The following PIEZO2 variants were observed in gnomAD, a reference collection of about 807,000 sequenced individuals.
PIEZO2 encodes piezo type mechanosensitive ion channel component 2.
Under a neutral mutation model 337.3 loss-of-function variants are expected in PIEZO2, and 172 were observed. That is an observed-to-expected ratio of 0.51 (90% CI 0.45 to 0.58). The LOEUF is 0.58. Among genes scored for constraint, PIEZO2 ranks in the 20% least tolerant of loss-of-function variants. The probability of loss-of-function intolerance (pLI) is 0.00; values close to 1 mark genes in which losing one functional copy is unlikely to be tolerated. For synonymous variants in PIEZO2, 1,251 were observed against 1,228.5 expected, an observed-to-expected ratio of 1.02 and a Z score of -0.38; for missense variants, 3,028 against 3,391.3, an observed-to-expected ratio of 0.89 and a Z score of 2.66.
At chr18:10,725,086 C>T (rs2036477608) in intron 36 of PIEZO2, 6 of 1,507,384 alleles carry the variant, frequency 4.0e-6, no homozygotes, top group Non-Finnish European at 5.5e-6. Flanking sequence ...CAAGTTCTTT[C>T]AGTCGCATTA....
At chr18:10,992,268 C>T (rs1451678807) in intron 2 of PIEZO2, among the ~76,000 whole-genome samples, 1 of 152,138 alleles carries the variant, frequency 6.6e-6, no homozygotes, top group African/African-American at 2.4e-5. Flanking sequence ...GCTTTTGTTG[C>T]CAATGCTTTT....
At position 10,863,237 on chromosome 18, in the gene PIEZO2, G is replaced by C. The variant is rs2041921649; in HGVS notation, c.493-6026C>G. Among the ~76,000 whole-genome samples, 1 of 152,184 alleles carries C rather than the reference G, an allele frequency of 6.6e-6. No individual in the cohort carries two copies. Among genetic ancestry groups the C allele is most frequent in the South Asian group, 2.1e-4 (1 of 4,824 alleles). ...AAGGTTGTGACTCACTGCAGAAGAT[G>C]AATTTCATCCCCAGGGTTCCCTTGT... On this transcript the variant is annotated intron_variant, in intron 5 of 55. Coordinates refer to ENST00000674853, the MANE Select transcript of PIEZO2 (RefSeq NM_001378183.1). This position sits in a 1 kb window ranked among gnomAD's most constrained non-coding sequence, Gnocchi z 4.3.
At chr18:11,004,124 G>A (rs1420570119) in intron 2 of PIEZO2, among the ~76,000 whole-genome samples, 2 of 152,182 alleles carry the variant, frequency 1.3e-5, no homozygotes, top group Non-Finnish European at 2.9e-5. Flanking sequence ...CCCATGCCCT[G>A]TTCGTTCCCA....
chr18:10,882,834 C>CTTTTTTTTTTTTTTTTTTTTTTTTTTTT lies in PIEZO2; in HGVS notation c.330-11420_330-11419insAAAAAAAAAAAAAAAAAAAAAAAAAAAA, dbSNP rs745618117. Among the ~76,000 whole-genome samples, 2 of 109,984 alleles carry CTTTTTTTTTTTTTTTTTTTTTTTTTTTT rather than the reference C, an allele frequency of 1.8e-5. 1 individual carries two copies. Among genetic ancestry groups the CTTTTTTTTTTTTTTTTTTTTTTTTTTTT allele is most frequent in the Non-Finnish European group, 3.7e-5 (2 of 54,602 alleles). 72.2% of individuals were successfully genotyped at this position (109,984 alleles called of 152,430 possible). Reference sequence around the variant, plus strand: ...CCATTGTGCATATGTACCACATTTTCTTTTTTTCTTTTTTTTTTTTTTTGA... The same window carrying CTTTTTTTTTTTTTTTTTTTTTTTTTTTT: ...CCATTGTGCATATGTACCACATTTTCTTTTTTTTTTTTTTTTTTTTTTTTTTTTTTTTTTTCTTTTTTTTTTTTTTTGA... On this transcript the variant is annotated intron_variant, in intron 4 of 55. Coordinates refer to ENST00000674853, the MANE Select transcript of PIEZO2 (RefSeq NM_001378183.1).
chr18:10,885,111 T>G (rs1003192873), intron 4 of PIEZO2, among the ~76,000 whole-genome samples: 1 of 151,946 alleles, frequency 6.6e-6, no homozygotes, highest in Admixed American at 6.6e-5. Context: ...ACACCACACG[T>G]GTGTGGCAAG....
Position 11,125,602 on chromosome 18 carries a change from C to T in PIEZO2, c.64+22923G>A, listed in dbSNP as rs564510643. On this transcript the variant is annotated intron_variant, in intron 1 of 55. Transcript: ENST00000674853. The surrounding 1 kb of genome is among the most constrained non-coding windows in gnomAD (Gnocchi z 4.4). ...ATAAAGATTACCCTGCAGAGAAGAGCATCCTGGTTTTATGAAGTCCTGTTG... is the reference window on the plus strand; with the variant it reads ...ATAAAGATTACCCTGCAGAGAAGAGTATCCTGGTTTTATGAAGTCCTGTTG... 2.0e-5 allele frequency among the ~76,000 whole-genome samples: 3 copies of T among 152,278 alleles called. No individual in the cohort carries two copies. The East Asian group carries it at 5.8e-4, about 29-fold the overall frequency.
chr18:10,743,547 G>C (rs2037307779), intron 31 of PIEZO2, among the ~76,000 whole-genome samples: 1 of 152,128 alleles, frequency 6.6e-6, no homozygotes, highest in Admixed American at 6.5e-5. Context: ...CCTTAGATGG[G>C]ATATAAAGAA....
At position 11,009,134 on chromosome 18, in the gene PIEZO2, G is replaced by A. The variant is rs975818464; in HGVS notation, c.161-29474C>T. Among the ~76,000 whole-genome samples the A allele has an allele frequency of 6.6e-6, 1 of 152,168 alleles. No individual in the cohort carries two copies. The highest frequency in any genetic ancestry group is 2.4e-5 in the African/African-American group (1 of 41,426). On this transcript the variant is annotated intron_variant, in intron 2 of 55. Transcript: ENST00000674853. This position sits in a 1 kb window ranked among gnomAD's most constrained non-coding sequence, Gnocchi z 4.6. ...CCTACCCTCTTGCTTCATACAATTG[G>A]TGATTGTCTCAGGGTAGGAATCCTG...
intron 2 of PIEZO2, among the ~76,000 whole-genome samples, chr18:11,004,264 G>A (rs538289348): frequency 6.6e-6 from 1 of 152,236 alleles, no homozygotes; most frequent in South Asian, 2.1e-4. Context: ...AGGAACAGAA[G>A]AGAGAGGAAT....
chr18:11,087,001 C>T (rs995120094), intron 1 of PIEZO2, among the ~76,000 whole-genome samples: 16 of 152,134 alleles, frequency 1.1e-4, no homozygotes, highest in Admixed American at 3.9e-4. Context: ...GAATCCTAAT[C>T]CTCAAAGTGA....
At chr18:10,983,718 C>A (rs997417416) in intron 2 of PIEZO2, among the ~76,000 whole-genome samples, 1 of 152,100 alleles carries the variant, frequency 6.6e-6, no homozygotes, top group Non-Finnish European at 1.5e-5. Context: ...CCCCAGCACC[C>A]TGTGCCACCC....
At chr18:10,704,310 C>G (rs919992322) in intron 42 of PIEZO2, 84 bp downstream of exon 42, 2 of 1,477,740 alleles carry the variant, frequency 1.4e-6, no homozygotes, top group African/African-American at 2.8e-5. Flanking sequence ...AGGCCCGTCT[C>G]AAGAGAGGGC....
At chr18:10,771,434 T>C (rs1366208911) in intron 20 of PIEZO2, among the ~76,000 whole-genome samples, 9 of 152,382 alleles carry the variant, frequency 5.9e-5, no homozygotes, top group Non-Finnish European at 8.8e-5. Context: ...GCTCACTTTA[T>C]TGACTGAAAG....
Position 10,895,635 on chromosome 18 carries a change from C to T in PIEZO2, c.329+15551G>A, listed in dbSNP as rs2042878333. Among the ~76,000 whole-genome samples, 1 of 152,088 alleles carries T rather than the reference C, an allele frequency of 6.6e-6. No individual in the cohort carries two copies. The highest frequency in any genetic ancestry group is 2.1e-4 in the South Asian group (1 of 4,816). On this transcript the variant is annotated intron_variant, in intron 4 of 55. Coordinates refer to ENST00000674853, the MANE Select transcript of PIEZO2 (RefSeq NM_001378183.1). The surrounding 1 kb of genome is among the most constrained non-coding windows in gnomAD (Gnocchi z 4.8). Reference sequence around the variant, plus strand: ...GTGGGGTTGCCTCACTCAGGATTTGCATTGGAGTGATCCTCAGTTTAACAC... The same window carrying T: ...GTGGGGTTGCCTCACTCAGGATTTGTATTGGAGTGATCCTCAGTTTAACAC...
rs2040324992 is a variant in PIEZO2 at position 10,815,178 on chromosome 18, A to G, written c.918-7904T>C. ...AACATGGGTCTTATTTTTAAAGGTT[A>G]AAAACAATGAAAATTCAAGTGGCAC... On this transcript the variant is annotated intron_variant, in intron 7 of 55. Coordinates refer to ENST00000674853, the MANE Select transcript of PIEZO2 (RefSeq NM_001378183.1). The surrounding 1 kb of genome is among the most constrained non-coding windows in gnomAD (Gnocchi z 4.1). Among the ~76,000 whole-genome samples, 1 of 152,220 alleles carries G rather than the reference A, an allele frequency of 6.6e-6. No homozygotes were observed. Among genetic ancestry groups the G allele is most frequent in the Non-Finnish European group, 1.5e-5 (1 of 68,028 alleles).
intron 36 of PIEZO2, among the ~76,000 whole-genome samples, chr18:10,730,402 T>C (rs9303716): frequency 0.31 from 47,842 of 152,098 alleles, 8,189 homozygotes; most frequent in East Asian, 0.54. Flanking sequence ...GTGAATTGTT[T>C]TTTCACACGC....
chr18:10,695,238 G>A (rs1435987865), intron 47 of PIEZO2, among the ~76,000 whole-genome samples: 1 of 152,254 alleles, frequency 6.6e-6, no homozygotes, highest in Non-Finnish European at 1.5e-5. Context: ...ACAGTCTATA[G>A]AGAAGTGTTA....
chr18:11,023,733 A>C (rs564721108), intron 2 of PIEZO2, among the ~76,000 whole-genome samples: 33 of 152,296 alleles, frequency 2.2e-4, no homozygotes, highest in Non-Finnish European at 4.1e-4. Flanking sequence ...GCCGCACAGG[A>C]GCCCACGGAG....
intron 30 of PIEZO2, 36 bp from the exon 31 acceptor site, chr18:10,744,267 T>C (rs2037338429): frequency 7.6e-7 from 1 of 1,310,390 alleles, no homozygotes; most frequent in Admixed American, 2.0e-5. Flanking sequence ...AAGTCAATAT[T>C]CTTGCCATTG....
Sources: gnomAD v4.1 joint callset for allele counts (sites outside exome capture counted in the v4.1 genomes callset) on GRCh38, gnomAD v4.1.1 for gene constraint, Gnocchi (gnomAD v3.1) non-coding constraint, MANE v1.5 for transcripts, NCBI Gene and HGNC (gene_info 2026-07-23, HGNC 2026-07-21) for gene names.